The following BLM variants were observed in gnomAD, a reference collection of about 807,000 sequenced individuals.
BLM encodes recQ-like DNA helicase BLM.
Under a neutral mutation model 135.3 loss-of-function variants are expected in BLM, and 95 were observed. The observed-to-expected ratio is 0.70, with a 90% CI of 0.59 to 0.83. The LOEUF is 0.83. BLM is among the 40% of genes least tolerant of loss of function. The pLI is 0.00. For synonymous variants in BLM, 520 were observed against 589.2 expected (o/e 0.88, Z 1.70); for missense variants, 1,518 against 1,663.9 (o/e 0.91, Z 1.53).
chr15:90,814,134 A>G (rs986429619), intron 21 of BLM, among the ~76,000 whole-genome samples: 1 of 152,210 alleles, frequency 6.6e-6, no homozygotes, highest in African/African-American at 2.4e-5. Context: ...CCTTGGAGCC[A>G]GAGTTTAAGT....
intron 1 of BLM, among the ~76,000 whole-genome samples, chr15:90,718,146 G>A (rs2380157): frequency 5.9e-5 from 9 of 152,074 alleles, no homozygotes; most frequent in Non-Finnish European, 7.4e-5. Context: ...TAAATGCTTC[G>A]AAGGCTACCT....
chr15:90,812,056 T>G (rs550015667), intron 21 of BLM, among the ~76,000 whole-genome samples: 1 of 152,322 alleles, frequency 6.6e-6, no homozygotes, highest in South Asian at 2.1e-4. Flanking sequence ...AAGAGACTTT[T>G]CCACCTACAA....
chr15:90,791,467 A>G (rs926439077), intron 15 of BLM, among the ~76,000 whole-genome samples: 2 of 152,160 alleles, frequency 1.3e-5, no homozygotes, highest in African/African-American at 4.8e-5. Flanking sequence ...TATCATTCCA[A>G]TGAATACATA....
chr15:90,810,256 T>C (rs1271619175), intron 20 of BLM, among the ~76,000 whole-genome samples: 2 of 152,140 alleles, frequency 1.3e-5, no homozygotes, highest in African/African-American at 4.8e-5. Flanking sequence ...GGTTTCACTA[T>C]GTTGGCCAGG....
intron 19 of BLM, chr15:90,808,903 C>T: frequency 1.7e-6 from 1 of 581,132 alleles, no homozygotes; most frequent in Non-Finnish European, 3.1e-6. Context: ...CTGGCTCTTG[C>T]CCTTGCTCTG....
intron 2 of BLM, chr15:90,747,803 T>C (rs980059519): frequency 2.5e-5 from 8 of 320,554 alleles, no homozygotes; most frequent in Non-Finnish European, 2.4e-5. Context: ...TTGTTTGTTT[T>C]GTTTTGTTTT....
At chr15:90,728,949 G>T (rs1428691667) in intron 1 of BLM, among the ~76,000 whole-genome samples, 2 of 151,966 alleles carry the variant, frequency 1.3e-5, no homozygotes, top group African/African-American at 4.8e-5. Context: ...GGAGGCCAAG[G>T]TGGGAGTATC....
intron 12 of BLM, among the ~76,000 whole-genome samples, chr15:90,772,961 G>C (rs569533325): frequency 6.6e-6 from 1 of 151,832 alleles, no homozygotes; most frequent in Non-Finnish European, 1.5e-5. Flanking sequence ...GCCGGGCCTG[G>C]TGGTGCATAC....
chr15:90,730,668 G>A lies in BLM; in HGVS notation c.-5+13228G>A, dbSNP rs536744709. ...TCACCATATTGGCCAGACTGGTCTC[G>A]AACTCCTGACCTTGTGATCTGCCCG... On this transcript the variant is annotated intron_variant, in intron 1 of 21. Transcript: ENST00000355112. 1.6e-4 allele frequency among the ~76,000 whole-genome samples: 25 copies of A among 152,160 alleles called. No individual in the cohort carries two copies. In the East Asian group the frequency reaches 3.7e-3, roughly 22 times the overall value.
intron 2 of BLM, among the ~76,000 whole-genome samples, chr15:90,748,656 C>T (rs28384983): frequency 0.016 from 2,378 of 152,214 alleles, 54 homozygotes; most frequent in African/African-American, 0.051. Context: ...TTTTACTTGT[C>T]CTGCAGATTT....
intron 1 of BLM, among the ~76,000 whole-genome samples, chr15:90,737,634 G>A (rs978842577): frequency 2.0e-5 from 3 of 152,028 alleles, no homozygotes; most frequent in Non-Finnish European, 4.4e-5. Flanking sequence ...CAATGAAAAC[G>A]AAAACACAAC....
intron 15 of BLM, among the ~76,000 whole-genome samples, chr15:90,792,691 A>G (rs2151186066): frequency 6.6e-6 from 1 of 152,248 alleles, no homozygotes; most frequent in African/African-American, 2.4e-5. Flanking sequence ...GTGCCATTCT[A>G]AATGCCTTAC....
chr15:90,784,589 G>A (rs925603481), intron 13 of BLM, among the ~76,000 whole-genome samples: 6 of 151,352 alleles, frequency 4.0e-5, no homozygotes, highest in Non-Finnish European at 8.8e-5. Context: ...GCCCTCCTTG[G>A]CCTCCCAAAG....
At chr15:90,773,253 C>G (rs1342320099) in intron 12 of BLM, among the ~76,000 whole-genome samples, 1 of 151,936 alleles carries the variant, frequency 6.6e-6, no homozygotes, top group Admixed American at 6.6e-5. Context: ...AACCCCATCT[C>G]TACTAAAAAT....
rs759705000 is a variant in BLM at position 90,769,135 on chromosome 15, C to T, written c.2310C>T (p.Ile770=). The T allele has an allele frequency of 4.4e-6, 7 of 1,606,168 alleles. No individual in the cohort carries two copies. Among genetic ancestry groups the T allele is most frequent in the Non-Finnish European group, 4.3e-6 (5 of 1,172,864 alleles). The change falls in exon 11 of 22, where the codon ATC becomes ATT. Residue 770 remains isoleucine, a splice_region_variant and synonymous_variant. Transcript: ENST00000355112. Reference sequence around the variant, plus strand: ...TGTCTAATGTATTTCTGGCCTAGATCTGTGCAAGTAACAGACTCATTTCTA... The same window carrying T: ...TGTCTAATGTATTTCTGGCCTAGATTTGTGCAAGTAACAGACTCATTTCTA... ...IKLLYVTPEK[I]CASNRLISTL... is the part of the protein sequence containing the mutation.
At chr15:90,786,558 T>C (rs1896754141) in intron 14 of BLM, among the ~76,000 whole-genome samples, 1 of 152,226 alleles carries the variant, frequency 6.6e-6, no homozygotes. Context: ...TTTAATGTAT[T>C]CATCCTTGTG....
At chr15:90,719,265 A>G (rs952465375) in intron 1 of BLM, among the ~76,000 whole-genome samples, 15 of 152,196 alleles carry the variant, frequency 9.9e-5, no homozygotes, top group African/African-American at 3.4e-4. Flanking sequence ...TGCTGGGATT[A>G]CAGGCGAGCC....
At chr15:90,742,454 T>C (rs779981307) in intron 1 of BLM, among the ~76,000 whole-genome samples, 5 of 152,154 alleles carry the variant, frequency 3.3e-5, no homozygotes, top group Admixed American at 6.5e-5. Context: ...GAAATAGCCA[T>C]CTTTGACAAC....
chr15:90,799,402 T>G (rs1897111537), intron 17 of BLM, among the ~76,000 whole-genome samples: 1 of 151,078 alleles, frequency 6.6e-6, no homozygotes, highest in South Asian at 2.1e-4. Context: ...AGTGGAGAGG[T>G]TGGAAAATAA....
Sources: gnomAD v4.1 joint callset for allele counts (sites outside exome capture counted in the v4.1 genomes callset) on GRCh38, gnomAD v4.1.1 for gene constraint, MANE v1.5 for transcripts, NCBI Gene and HGNC (gene_info 2026-07-23, HGNC 2026-07-21) for gene names.